The following ARID1A variants were observed in gnomAD, a reference collection of about 807,000 sequenced individuals.
The protein encoded by ARID1A is AT-rich interaction domain 1A.
A neutral mutation model predicts 212.6 loss-of-function variants in ARID1A; 20 were observed. That is an observed-to-expected ratio of 0.09 (90% confidence interval 0.07 to 0.14). ARID1A has a LOEUF of 0.14. Among genes scored for constraint, ARID1A ranks in the 10% least tolerant of loss-of-function variants. ARID1A has a pLI of 1.00. For missense variants in ARID1A, 2,587 were observed against 3,059.0 expected (o/e 0.85, Z 3.64); for synonymous variants, 1,376 against 1,222.1 (o/e 1.13, Z -2.63).
intron 4 of ARID1A, among the ~76,000 whole-genome samples, chr1:26,741,136 T>C (rs1441160162): frequency 1.3e-5 from 2 of 152,062 alleles, no homozygotes; most frequent in East Asian, 1.9e-4. Flanking sequence ...AACTGGAGTT[T>C]AGAGATAGAA....
At chr1:26,722,233 A>G (rs1381982226) in intron 1 of ARID1A, among the ~76,000 whole-genome samples, 1 of 151,870 alleles carries the variant, frequency 6.6e-6, no homozygotes, top group Non-Finnish European at 1.5e-5. Flanking sequence ...CTTTTCACTG[A>G]TTTTTGTGGT....
chr1:26,748,859 T>C (rs1054786505), intron 4 of ARID1A, among the ~76,000 whole-genome samples: 4 of 151,998 alleles, frequency 2.6e-5, no homozygotes, highest in Non-Finnish European at 5.9e-5. Context: ...TCTTTTTTTT[T>C]ATTTTTATTT....
chr1:26,721,176 G>C (rs2080560911), intron 1 of ARID1A, among the ~76,000 whole-genome samples: 1 of 151,954 alleles, frequency 6.6e-6, no homozygotes, highest in African/African-American at 2.4e-5. Flanking sequence ...GTTTTCTTGG[G>C]GTCTTACTAT....
chr1:26,714,092 T>C (rs2080478834), intron 1 of ARID1A, among the ~76,000 whole-genome samples: 1 of 152,176 alleles, frequency 6.6e-6, no homozygotes, highest in South Asian at 2.1e-4. Context: ...TTGGCTAGTT[T>C]AGAATGCCAA....
chr1:26,750,676 G>C (rs2080875999), intron 4 of ARID1A, among the ~76,000 whole-genome samples: 1 of 151,888 alleles, frequency 6.6e-6, no homozygotes, highest in Admixed American at 6.6e-5. Flanking sequence ...CCTTGTGATT[G>C]ATAAAAGGCT....
chr1:26,777,356 G>GAC (rs2081146236), intron 19 of ARID1A, among the ~76,000 whole-genome samples: 1 of 151,760 alleles, frequency 6.6e-6, no homozygotes, highest in Admixed American at 6.6e-5. Flanking sequence ...AAGTGGCTGG[G>GAC]ACTACAGGTG....
Position 26,781,915 on chromosome 1 carries a change from TGAA to T in ARID1A, c.*1163_*1165del, listed in dbSNP as rs762673189. ...GTTCTAGGTTCAGTTGAAGTTCTGATGAAGAAACACAATTGAGATTTTTTCAGT... is the reference window on the plus strand; with the variant it reads ...GTTCTAGGTTCAGTTGAAGTTCTGATGAAACACAATTGAGATTTTTTCAGT... On this transcript the variant is annotated 3_prime_UTR_variant, in exon 20 of 20. Transcript: ENST00000324856. 4.3e-6 allele frequency: 1 copy of T among 233,592 alleles called. No individual in the cohort carries two copies. The highest frequency in any genetic ancestry group is 8.5e-6 in the Non-Finnish European group (1 of 118,050). The allele number at this position is 233,592 out of a possible 1,614,324, so 14.5% of individuals were successfully genotyped here. A position where few individuals can be genotyped will look rare whatever the true frequency, so the allele number is the denominator to read the frequency against.
chr1:26,696,679 CG>C lies in ARID1A; in HGVS notation c.279del (p.Gly95AlafsTer6). 7.6e-7 allele frequency: 1 copy of C among 1,323,914 alleles called. No individual in the cohort carries two copies. Among genetic ancestry groups the C allele is most frequent in the Non-Finnish European group, 9.6e-7 (1 of 1,038,946 alleles). 82.0% of individuals were successfully genotyped at this position (1,323,914 alleles called of 1,614,324 possible). ...GGGGGAGSGG[G>X]PGAEPDLKNS... ...GCGGCGGCGGAGCCGGCAGCGGCGG[CG>C]GGCCCGGCGCGGAGCCGGACCTGAA... On this transcript the variant is annotated frameshift_variant, in exon 1 of 20. Coordinates refer to ENST00000324856, the MANE Select transcript of ARID1A (RefSeq NM_006015.6). LOFTEE classifies it high-confidence loss of function.
chr1:26,775,529 C>A, intron 18 of ARID1A, 48 bp from the exon 19 acceptor site: 2 of 1,610,180 alleles, frequency 1.2e-6, no homozygotes, highest in South Asian at 2.2e-5. Context: ...AGGGGTGCCT[C>A]CAGCCAACCT....
intron 1 of ARID1A, among the ~76,000 whole-genome samples, chr1:26,697,945 C>A (rs996117585): frequency 6.6e-6 from 1 of 152,138 alleles, no homozygotes; most frequent in African/African-American, 2.4e-5. Context: ...TCACCTGCCG[C>A]TCCTCTCCGT....
At chr1:26,717,272 T>C (rs1216992182) in intron 1 of ARID1A, among the ~76,000 whole-genome samples, 1 of 152,212 alleles carries the variant, frequency 6.6e-6, no homozygotes, top group African/African-American at 2.4e-5. Context: ...TTGCCATTTC[T>C]CCTATTGAGG....
intron 4 of ARID1A, among the ~76,000 whole-genome samples, chr1:26,747,684 C>CAA (rs36091006): frequency 3.2e-4 from 40 of 124,426 alleles, no homozygotes; most frequent in East Asian, 2.1e-3. Context: ...CCATCTCTAC[C>CAA]AAAAAAAAAA....
At chr1:26,714,704 C>A (rs547696057) in intron 1 of ARID1A, among the ~76,000 whole-genome samples, 1 of 152,256 alleles carries the variant, frequency 6.6e-6, no homozygotes, top group East Asian at 1.9e-4. Flanking sequence ...CATGAGCCAC[C>A]GCGCCGCATA....
chr1:26,719,113 T>C (rs2080534943), intron 1 of ARID1A, among the ~76,000 whole-genome samples: 1 of 152,208 alleles, frequency 6.6e-6, no homozygotes, highest in Admixed American at 6.5e-5. Context: ...GAGTTTCACT[T>C]TCTCTTCTAC....
chr1:26,744,305 A>T (rs560455417), intron 4 of ARID1A, among the ~76,000 whole-genome samples: 40 of 152,302 alleles, frequency 2.6e-4, no homozygotes, highest in Admixed American at 1.2e-3. Flanking sequence ...TTTCTATTCT[A>T]GTCGCTGGTG....
intron 19 of ARID1A, among the ~76,000 whole-genome samples, chr1:26,777,199 G>A (rs1171920742): frequency 6.6e-6 from 1 of 151,862 alleles, no homozygotes; most frequent in Non-Finnish European, 1.5e-5. Flanking sequence ...TGAGTAGCTG[G>A]GACTACAGGC....
chr1:26,771,517 AC>A lies in ARID1A; in HGVS notation c.3406+192del. The A allele has an allele frequency of 1.6e-6, 1 of 613,416 alleles. No individual in the cohort carries two copies. The highest frequency in any genetic ancestry group is 2.8e-6 in the Non-Finnish European group (1 of 354,110). The allele number at this position is 613,416 out of a possible 1,614,324, so 38.0% of individuals were successfully genotyped here. A position where few individuals can be genotyped will look rare whatever the true frequency, so the allele number is the denominator to read the frequency against. ...TGGAAACTCCCTTGGGAGGTACTCT[AC>A]GGCAGCTCTTAAGTTTTAATTTTTG... On this transcript the variant is annotated intron_variant, in intron 12 of 19. Coordinates refer to ENST00000324856, the MANE Select transcript of ARID1A (RefSeq NM_006015.6). This position sits in a 1 kb window ranked among gnomAD's most constrained non-coding sequence, Gnocchi z 5.4.
rs183694287 is a variant in ARID1A, at chr1:26,757,510, G to A, written c.1921-3346G>A. On this transcript the variant is annotated intron_variant, in intron 4 of 19. Coordinates refer to ENST00000324856, the MANE Select transcript of ARID1A (RefSeq NM_006015.6). Reference sequence around the variant, plus strand: ...AGGAAATAAAAACGCACAAAGATACGCACCAAATAATTGAACAGTGGTTTC... The same window carrying A: ...AGGAAATAAAAACGCACAAAGATACACACCAAATAATTGAACAGTGGTTTC... Among the ~76,000 whole-genome samples, 405 of 151,556 alleles carry A rather than the reference G, an allele frequency of 2.7e-3. 2 individuals carry two copies. The highest frequency in any genetic ancestry group is 9.0e-3 in the African/African-American group (372 of 41,284).
rs745392594 is a variant in ARID1A, at chr1:26,773,512, G to T, written c.3866+16G>T. 1 of 1,612,914 alleles carries T rather than the reference G, an allele frequency of 6.2e-7. No homozygotes were observed. Among genetic ancestry groups the T allele is most frequent in the South Asian group, 1.1e-5 (1 of 91,006 alleles). ...ACAGAGTGAGGTAAGCATGACCCCA[G>T]CTCCTGTCCACTCCCCCAGCACCCT... On this transcript the variant is annotated intron_variant, in intron 15 of 19. Transcript: ENST00000324856.
Sources: allele counts gnomAD v4.1 joint callset (sites outside exome capture counted in the v4.1 genomes callset), GRCh38; gene constraint gnomAD v4.1.1; non-coding constraint Gnocchi (gnomAD v3.1); transcripts MANE v1.5; gene names NCBI Gene and HGNC (gene_info 2026-07-23, HGNC 2026-07-21).